COG5: variants seen among roughly 807,000 people sequenced by gnomAD.
COG5 encodes component of oligomeric golgi complex 5, also known as conserved oligomeric Golgi complex subunit 5.
In COG5, 86 loss-of-function variants were observed where a neutral mutation model predicts 110.4. The ratio of observed to expected loss-of-function variants is 0.78; its 90% confidence interval spans 0.65 to 0.93. The LOEUF is 0.93. COG5 is among the 40% of genes least tolerant of loss of function. The pLI is 0.00. For synonymous variants in COG5, 360 were observed against 334.6 expected, an observed-to-expected ratio of 1.08 and a Z score of -0.83; for missense variants, 1,077 against 987.0, an observed-to-expected ratio of 1.09 and a Z score of -1.22.
At chr7:107,415,606 A>T (rs906402011) in intron 6 of COG5, among the ~76,000 whole-genome samples, 3 of 151,928 alleles carry the variant, frequency 2.0e-5, no homozygotes, top group Non-Finnish European at 2.9e-5. Context: ...AATAAATAAT[A>T]ATTTTAAAAA....
intron 6 of COG5, among the ~76,000 whole-genome samples, chr7:107,432,472 G>C (rs1357946251): frequency 6.6e-6 from 1 of 152,114 alleles, no homozygotes; most frequent in African/African-American, 2.4e-5. Flanking sequence ...CTGAGGACAT[G>C]AACTTAGGAT....
chr7:107,466,343 A>T (rs758501650), intron 6 of COG5, among the ~76,000 whole-genome samples: 1 of 152,196 alleles, frequency 6.6e-6, no homozygotes, highest in Non-Finnish European at 1.5e-5. Context: ...GAAAAATGGC[A>T]AGAAATGCCA....
rs1809989152 is a variant in COG5 at position 107,328,751 on chromosome 7, T to C, written c.1027-4230A>G. On this transcript the variant is annotated intron_variant, in intron 10 of 21. Transcript: ENST00000297135. ...GAAATTTCACTAGTTAAAACAATAG[T>C]AGAAATATTTTTAAGGAAACTTTTT... Among the ~76,000 whole-genome samples, 9 of 152,140 alleles carry C rather than the reference T, an allele frequency of 5.9e-5. No individual in the cohort carries two copies. In the South Asian group the frequency reaches 1.9e-3, roughly 32 times the overall value.
At chr7:107,256,985 A>G in intron 15 of COG5, among the ~76,000 whole-genome samples, 191 bp from the exon 16 acceptor site, 1 of 152,172 alleles carries the variant, frequency 6.6e-6, no homozygotes, top group East Asian at 1.9e-4. Context: ...AATTTTGTGT[A>G]TAAAGCAAAC....
At chr7:107,266,578 A>G (rs149576790) in intron 14 of COG5, among the ~76,000 whole-genome samples, 236 of 152,168 alleles carry the variant, frequency 1.6e-3, no homozygotes, top group African/African-American at 5.4e-3. Flanking sequence ...AATTTTGGTG[A>G]TTTTACGAGT....
In COG5 at chr7:107,560,506, T is replaced by C. The variant is rs73419456; in HGVS notation, c.95-2391A>G. On this transcript the variant is annotated intron_variant, in intron 1 of 21. Coordinates refer to ENST00000297135, the MANE Select transcript of COG5 (RefSeq NM_006348.5). ...AGCAACTGATACAGGAAATTTAGTT[T>C]TACACTAACTTAGACCACTAGACAC... Among the ~76,000 whole-genome samples the C allele has an allele frequency of 3.7e-3, 559 of 152,298 alleles. 5 individuals are homozygous for C. Among genetic ancestry groups the C allele is most frequent in the African/African-American group, 0.013 (527 of 41,570 alleles).
rs778274629 is a variant in COG5, at chr7:107,202,441, ACTT to A, written c.*1072_*1074del. 1.3e-5 allele frequency: 2 copies of A among 152,552 alleles called. No individual in the cohort carries two copies. Among genetic ancestry groups the A allele is most frequent in the African/African-American group, 2.4e-5 (1 of 41,414 alleles). The allele number at this position is 152,552 out of a possible 1,614,324, so 9.4% of individuals were successfully genotyped here. A position where few individuals can be genotyped will look rare whatever the true frequency, so the allele number is the denominator to read the frequency against. The stretch of plus-strand genomic sequence containing the variant: ...TGTAAAATTGATTTCAGTTCATCAC[ACTT>A]CTTCATGATGTTGCCCCTAAATTTT... On this transcript the variant is annotated 3_prime_UTR_variant, in exon 22 of 22. Transcript: ENST00000297135.
chr7:107,329,520 T>C (rs1388647959), intron 10 of COG5, among the ~76,000 whole-genome samples: 1 of 152,140 alleles, frequency 6.6e-6, no homozygotes, highest in Non-Finnish European at 1.5e-5. Context: ...ACATATACTA[T>C]ACTATATAAT....
At chr7:107,457,617 G>T (rs1319164054) in intron 6 of COG5, among the ~76,000 whole-genome samples, 1 of 151,980 alleles carries the variant, frequency 6.6e-6, no homozygotes, top group Non-Finnish European at 1.5e-5. Context: ...TTTCAGTAGA[G>T]ACAGGGTTTC....
chr7:107,558,260 A>T lies in COG5; in HGVS notation c.95-145T>A, dbSNP rs6964242. Reference sequence around the variant, plus strand: ...ACTATACTGCTTAATGCTTACTTTTATCATGACCCTAAAGGAAGTATAACA... The same window carrying T: ...ACTATACTGCTTAATGCTTACTTTTTTCATGACCCTAAAGGAAGTATAACA... On this transcript the variant is annotated intron_variant, in intron 1 of 21. Coordinates refer to ENST00000297135, the MANE Select transcript of COG5 (RefSeq NM_006348.5). The T allele has an allele frequency of 4.1e-3, 3,135 of 772,838 alleles. 66 individuals are homozygous for T. In the African/African-American group the frequency reaches 0.045, roughly 11 times the overall value. 47.9% of individuals were successfully genotyped at this position (772,838 alleles called of 1,614,324 possible).
At chr7:107,402,072 C>CAG (rs1791475092) in intron 7 of COG5, among the ~76,000 whole-genome samples, 1 of 152,118 alleles carries the variant, frequency 6.6e-6, no homozygotes, top group Non-Finnish European at 1.5e-5. Flanking sequence ...TTACTGTATA[C>CAG]TATATAGATA....
At chr7:107,406,512 CAAAGA>C (rs1248324168) in intron 7 of COG5, among the ~76,000 whole-genome samples, 1 of 151,674 alleles carries the variant, frequency 6.6e-6, no homozygotes, top group Non-Finnish European at 1.5e-5. Context: ...ATTTAAAAAC[CAAAGA>C]AAAGTCAAAC....
chr7:107,446,296 T>G (rs1795001630), intron 6 of COG5, among the ~76,000 whole-genome samples: 1 of 152,240 alleles, frequency 6.6e-6, no homozygotes, highest in Non-Finnish European at 1.5e-5. Context: ...ACTATTTCAA[T>G]TTTGAATGAA....
intron 3 of COG5, among the ~76,000 whole-genome samples, chr7:107,553,390 T>A (rs1464512031): frequency 6.6e-6 from 1 of 152,248 alleles, no homozygotes; most frequent in Non-Finnish European, 1.5e-5. Context: ...AAGTTCTTCA[T>A]CAGGGTATCT....
chr7:107,229,391 G>A (rs1284603344), intron 19 of COG5, among the ~76,000 whole-genome samples: 3 of 152,182 alleles, frequency 2.0e-5, no homozygotes, highest in East Asian at 1.9e-4. Context: ...GGAAGTTGCA[G>A]TGAGCCAAGA....
At chr7:107,562,007 G>A (rs1803825263) in intron 1 of COG5, among the ~76,000 whole-genome samples, 1 of 151,952 alleles carries the variant, frequency 6.6e-6, no homozygotes, top group African/African-American at 2.4e-5. Context: ...AAAGAAAGGA[G>A]CAGAGGCTCC....
intron 5 of COG5, among the ~76,000 whole-genome samples, chr7:107,530,618 A>C (rs1801133962): frequency 1.3e-5 from 2 of 151,152 alleles, no homozygotes; most frequent in South Asian, 2.1e-4. Flanking sequence ...AAAAAAAAAA[A>C]AAAAAAAACA....
intron 10 of COG5, among the ~76,000 whole-genome samples, chr7:107,348,125 C>CAAAAAA (rs34140927): frequency 1.8e-4 from 9 of 51,224 alleles, no homozygotes; most frequent in South Asian, 9.4e-4. Flanking sequence ...GACTCCATCT[C>CAAAAAA]AAAAAAAAAA....
intron 7 of COG5, among the ~76,000 whole-genome samples, chr7:107,379,533 C>T (rs1282412713): frequency 1.4e-5 from 2 of 147,042 alleles, no homozygotes; most frequent in African/African-American, 2.5e-5. Flanking sequence ...ACCCATCTCA[C>T]GTGCAATGAC....
Sources: allele counts gnomAD v4.1 joint callset (sites outside exome capture counted in the v4.1 genomes callset), GRCh38; gene constraint gnomAD v4.1.1; transcripts MANE v1.5; gene names NCBI Gene and HGNC (gene_info 2026-07-23, HGNC 2026-07-21).